Variants in TMEM117 observed in about 807,000 individuals in gnomAD.
The protein encoded by TMEM117 is transmembrane protein 117.
A neutral mutation model predicts 52.4 loss-of-function variants in TMEM117; 27 were observed. The ratio of observed to expected loss-of-function variants is 0.51; its 90% confidence interval spans 0.38 to 0.71. TMEM117 has a LOEUF of 0.71. Among genes scored for constraint, TMEM117 ranks in the 30% least tolerant of loss-of-function variants. The pLI is 0.00. For missense variants in TMEM117, 556 were observed against 630.5 expected, an observed-to-expected ratio of 0.88 and a Z score of 1.26; for synonymous variants, 215 against 206.3, an observed-to-expected ratio of 1.04 and a Z score of -0.36.
intron 2 of TMEM117, among the ~76,000 whole-genome samples, chr12:43,923,393 G>C (rs918676469): frequency 2.6e-5 from 4 of 152,172 alleles, no homozygotes; most frequent in African/African-American, 9.7e-5. Context: ...GTACAGACCA[G>C]GGTGGCATCT....
chr12:44,284,032 T>C (rs962118357), intron 5 of TMEM117, among the ~76,000 whole-genome samples: 4 of 152,078 alleles, frequency 2.6e-5, no homozygotes, highest in African/African-American at 9.7e-5. Context: ...AAGTGCCTTT[T>C]GGCCGGGTGC....
intron 6 of TMEM117, among the ~76,000 whole-genome samples, chr12:44,325,918 T>A (rs1205618246): frequency 6.6e-6 from 1 of 152,218 alleles, no homozygotes; most frequent in African/African-American, 2.4e-5. Context: ...TCCAGCACTC[T>A]GGGTGTCCAA....
At chr12:43,905,402 T>G (rs1944369084) in intron 2 of TMEM117, among the ~76,000 whole-genome samples, 1 of 152,118 alleles carries the variant, frequency 6.6e-6, no homozygotes, top group Non-Finnish European at 1.5e-5. Flanking sequence ...TGATGGGGAG[T>G]GGGGACCAGA....
At chr12:44,031,448 C>T (rs1946631426) in intron 3 of TMEM117, among the ~76,000 whole-genome samples, 1 of 152,110 alleles carries the variant, frequency 6.6e-6, no homozygotes, top group South Asian at 2.1e-4. Flanking sequence ...CATTTAAATG[C>T]AGGTTTCTGA....
intron 5 of TMEM117, among the ~76,000 whole-genome samples, chr12:44,234,857 T>C (rs10047523): frequency 0.27 from 40,915 of 151,386 alleles, 10,039 homozygotes; most frequent in African/African-American, 0.66. Flanking sequence ...ATACTTTATA[T>C]CTCTTTATAT....
chr12:44,281,769 T>G (rs1417907294), intron 5 of TMEM117, among the ~76,000 whole-genome samples: 4 of 152,248 alleles, frequency 2.6e-5, no homozygotes, highest in African/African-American at 9.6e-5. Context: ...TGAATAATAA[T>G]GGATATAGTT....
intron 4 of TMEM117, among the ~76,000 whole-genome samples, chr12:44,189,867 T>C (rs1013988201): frequency 4.6e-5 from 7 of 152,234 alleles, no homozygotes; most frequent in African/African-American, 1.4e-4. Context: ...TCTTGGAAAT[T>C]ATATGCTAGA....
In TMEM117 at chr12:44,388,577, A is replaced by G. The variant is rs777083725; in HGVS notation, c.1450A>G (p.Thr484Ala). The G allele has an allele frequency of 5.0e-6, 8 of 1,613,318 alleles. No homozygotes were observed. Among genetic ancestry groups the G allele is most frequent in the East Asian group, 2.2e-5 (1 of 44,862 alleles). The part of the protein sequence containing the change: ...NEIVYKSSHL[T>A]SENLSSQLNE... ...GATCGTCTACAAGTCTTCCCACCTAACCTCGGAAAACTTGAGCTCACAGTT... is the reference window on the plus strand; with the variant it reads ...GATCGTCTACAAGTCTTCCCACCTAGCCTCGGAAAACTTGAGCTCACAGTT... Residue 484 changes from threonine (T) to alanine (A), a missense_variant, in exon 8 of 8, where the codon ACC becomes GCC. Physicochemically the swap from Thr to Ala is moderately conservative, Grantham distance 58. Around this residue, in one of 3 missense-constraint regions of TMEM117, gnomAD observed 206 missense variants for 211.1 expected, o/e 0.98. Transcript: ENST00000266534.
At chr12:44,080,136 C>A (rs1025257611) in intron 3 of TMEM117, among the ~76,000 whole-genome samples, 1 of 151,402 alleles carries the variant, frequency 6.6e-6, no homozygotes, top group Non-Finnish European at 1.5e-5. Flanking sequence ...ACACAAAATT[C>A]TTTTCTCATG....
chr12:43,901,276 A>T (rs1259104682), intron 2 of TMEM117, among the ~76,000 whole-genome samples: 1 of 151,864 alleles, frequency 6.6e-6, no homozygotes, highest in African/African-American at 2.4e-5. Flanking sequence ...TCAACAATAG[A>T]TCATTCATTT....
intron 6 of TMEM117, among the ~76,000 whole-genome samples, chr12:44,318,781 T>C (rs1716606): frequency 0.22 from 32,844 of 151,752 alleles, 6,346 homozygotes; most frequent in African/African-American, 0.52. Context: ...CAGAGAGGTC[T>C]CTGCTGCACC....
chr12:44,159,012 A>G (rs556289319), intron 4 of TMEM117, among the ~76,000 whole-genome samples: 2 of 152,280 alleles, frequency 1.3e-5, no homozygotes, highest in East Asian at 1.9e-4. Context: ...GGGGTGATGC[A>G]TGTTTGATGT....
chr12:44,010,085 C>A, intron 3 of TMEM117: 1 of 455,378 alleles, frequency 2.2e-6, no homozygotes, highest in South Asian at 1.6e-5. Flanking sequence ...ATTAGTCTCC[C>A]ACATAGCCCC....
chr12:43,864,996 C>T (rs970423402), intron 2 of TMEM117, among the ~76,000 whole-genome samples: 2 of 152,078 alleles, frequency 1.3e-5, no homozygotes, highest in African/African-American at 2.4e-5. Context: ...AGCTGTAACA[C>T]TCACCGTGAA....
chr12:43,957,845 T>G (rs1261082870), intron 3 of TMEM117, among the ~76,000 whole-genome samples: 2 of 152,204 alleles, frequency 1.3e-5, no homozygotes, highest in Non-Finnish European at 2.9e-5. Flanking sequence ...CAAAGGATGA[T>G]AATGTATAAT....
intron 2 of TMEM117, among the ~76,000 whole-genome samples, chr12:43,866,410 CAAAAAA>C (rs1194302841): frequency 7.5e-5 from 8 of 107,136 alleles, no homozygotes; most frequent in African/African-American, 2.7e-4. Context: ...TCATCGCTAC[CAAAAAA>C]AAAAAAAAAA....
intron 5 of TMEM117, among the ~76,000 whole-genome samples, chr12:44,212,116 C>T (rs1035732779): frequency 6.6e-6 from 1 of 152,164 alleles, no homozygotes; most frequent in Admixed American, 6.6e-5. Context: ...TATGGTTTTG[C>T]TTTCCCTGGT....
intron 3 of TMEM117, among the ~76,000 whole-genome samples, chr12:44,067,703 A>G (rs1014553828): frequency 1.3e-5 from 2 of 152,204 alleles, no homozygotes; most frequent in African/African-American, 4.8e-5. Context: ...TCATTTATAG[A>G]GCACAGGCAG....
intron 2 of TMEM117, among the ~76,000 whole-genome samples, chr12:43,941,380 C>T (rs886928411): frequency 6.6e-6 from 1 of 152,116 alleles, no homozygotes; most frequent in Non-Finnish European, 1.5e-5. Flanking sequence ...AACCAGCATA[C>T]CTAAGAAAGG....
Sources: allele counts gnomAD v4.1 joint callset (sites outside exome capture counted in the v4.1 genomes callset), GRCh38; gene constraint gnomAD v4.1.1; regional missense constraint gnomAD v4.1.1; transcripts MANE v1.5; gene names NCBI Gene and HGNC (gene_info 2026-07-23, HGNC 2026-07-21).